Variants in FBXL7 observed in about 807,000 individuals in gnomAD.
FBXL7 encodes F-box and leucine rich repeat protein 7, also known as F-box/LRR-repeat protein 7.
Under a neutral mutation model 38.3 loss-of-function variants are expected in FBXL7, and 12 were observed. That is an observed-to-expected ratio of 0.31 (90% CI 0.20 to 0.51). The LOEUF (loss-of-function observed/expected upper bound fraction) is 0.51, where lower values mean the gene tolerates loss of function less well. Among genes scored for constraint, FBXL7 ranks in the 20% least tolerant of loss-of-function variants. FBXL7 has a pLI of 0.98. For synonymous variants in FBXL7, 297 were observed against 300.9 expected, an observed-to-expected ratio of 0.99 and a Z score of 0.13; for missense variants, 567 against 676.4, an observed-to-expected ratio of 0.84 and a Z score of 1.79.
rs1259725919 is a variant in FBXL7 at position 15,937,081 on chromosome 5, G to A, written c.1371G>A (p.Gln457=). 6.2e-7 allele frequency: 1 copy of A among 1,613,878 alleles called. No individual in the cohort carries two copies. Among genetic ancestry groups the A allele is most frequent in the Non-Finnish European group, 8.5e-7 (1 of 1,179,906 alleles). ...QIVAANCFDL[Q]TLNVQDCEVS... ...TGGCCGCCAACTGCTTTGACCTCCA[G>A]ACGCTGAATGTCCAGGACTGCGAGG... Residue 457 remains glutamine (Q), a synonymous_variant, in exon 4 of 4, where the codon CAG becomes CAA. Transcript: ENST00000504595.
chr5:15,555,195 C>T (rs766461255), intron 1 of FBXL7, among the ~76,000 whole-genome samples: 2 of 152,164 alleles, frequency 1.3e-5, no homozygotes, highest in Non-Finnish European at 2.9e-5. Context: ...CACGCACAGA[C>T]ACACAGACAG....
chr5:15,928,041 G>GCCCCCCCCCCCCCCCCCC lies in FBXL7; in HGVS notation c.279_280insCCCCCCCCCCCCCCCCCC (p.Pro93_Thr94insProProProProProPro). On this transcript the variant is annotated inframe_insertion, in exon 3 of 4. Transcript: ENST00000504595. The surrounding 1 kb of genome is among the most constrained non-coding windows in gnomAD (Gnocchi z 4.0). ...TGGCCATGGTGCACTCCCCGCCCCC[G>GCCCCCCCCCCCCCCCCCC]ACCCGCCTCACACACCCGCTCATCC... The GCCCCCCCCCCCCCCCCCC allele has an allele frequency of 7.0e-7, 1 of 1,436,850 alleles. No individual in the cohort carries two copies. 89.0% of individuals were successfully genotyped at this position (1,436,850 alleles called of 1,614,324 possible).
At chr5:15,591,318 A>C (rs896458844) in intron 1 of FBXL7, among the ~76,000 whole-genome samples, 4 of 151,596 alleles carry the variant, frequency 2.6e-5, no homozygotes, top group African/African-American at 9.7e-5. Context: ...AGTCCCAGCT[A>C]CTCGGGAGGC....
At chr5:15,792,480 T>G (rs1330859219) in intron 2 of FBXL7, among the ~76,000 whole-genome samples, 2 of 152,180 alleles carry the variant, frequency 1.3e-5, no homozygotes, top group Non-Finnish European at 2.9e-5. Context: ...GTCAAGCAGT[T>G]GATTTTGTAT....
At chr5:15,917,896 C>G (rs1321915757) in intron 2 of FBXL7, among the ~76,000 whole-genome samples, 1 of 151,766 alleles carries the variant, frequency 6.6e-6, no homozygotes, top group Non-Finnish European at 1.5e-5. Context: ...AATAGCAATG[C>G]TACTCTAGCT....
At chr5:15,896,931 C>T (rs764679999) in intron 2 of FBXL7, among the ~76,000 whole-genome samples, 3 of 152,174 alleles carry the variant, frequency 2.0e-5, no homozygotes, top group African/African-American at 4.8e-5. Flanking sequence ...GCCAGGAGTT[C>T]GAGATCAGTT....
intron 1 of FBXL7, among the ~76,000 whole-genome samples, chr5:15,610,255 C>T (rs967063804): frequency 6.6e-6 from 1 of 152,134 alleles, no homozygotes; most frequent in African/African-American, 2.4e-5. Context: ...TCTTTTTTCT[C>T]AGAAGAATCC....
intron 2 of FBXL7, among the ~76,000 whole-genome samples, chr5:15,681,887 G>A (rs1410562705): frequency 2.0e-5 from 3 of 152,118 alleles, no homozygotes; most frequent in African/African-American, 7.2e-5. Context: ...AACATAATTG[G>A]TGTTACCTAG....
intron 2 of FBXL7, among the ~76,000 whole-genome samples, chr5:15,685,734 G>T (rs1370125871): frequency 1.3e-5 from 2 of 152,170 alleles, no homozygotes; most frequent in African/African-American, 4.8e-5. Flanking sequence ...GTAAAATGGG[G>T]TAGCAATGCC....
intron 2 of FBXL7, among the ~76,000 whole-genome samples, chr5:15,829,294 T>G (rs987848984): frequency 3.9e-5 from 6 of 152,208 alleles, no homozygotes; most frequent in African/African-American, 7.2e-5. Context: ...TGGTTACAGC[T>G]TCTTTTGTTT....
At chr5:15,812,719 G>A (rs1404630004) in intron 2 of FBXL7, among the ~76,000 whole-genome samples, 1 of 152,052 alleles carries the variant, frequency 6.6e-6, no homozygotes, top group Non-Finnish European at 1.5e-5. Context: ...AATTACTTTG[G>A]GCAGTATGGC....
At position 15,843,225 on chromosome 5, in the gene FBXL7, TCTC is replaced by T. The variant is rs1464285741; in HGVS notation, c.128-84664_128-84662del. Among the ~76,000 whole-genome samples the T allele has an allele frequency of 2.6e-5, 4 of 151,692 alleles. No homozygotes were observed. In the East Asian group the frequency reaches 7.7e-4, roughly 29 times the overall value. On this transcript the variant is annotated intron_variant, in intron 2 of 3. Coordinates refer to ENST00000504595, the MANE Select transcript of FBXL7 (RefSeq NM_012304.5). ...TTTTGCCTTTGTCAAAGTGTATTCT[TCTC>T]TTCTTCTAACATACACAGTATAAAA...
chr5:15,833,915 A>G (rs980233430), intron 2 of FBXL7, among the ~76,000 whole-genome samples: 1 of 152,204 alleles, frequency 6.6e-6, no homozygotes, highest in Non-Finnish European at 1.5e-5. Context: ...TATTTAAGTA[A>G]CAATTTTATA....
chr5:15,833,238 G>A (rs912927762), intron 2 of FBXL7, among the ~76,000 whole-genome samples: 4 of 152,076 alleles, frequency 2.6e-5, no homozygotes, highest in African/African-American at 9.7e-5. Context: ...CATGATCAAG[G>A]TCCCAGTAGG....
Position 15,529,236 on chromosome 5 carries a change from C to T in FBXL7, c.37+28523C>T, listed in dbSNP as rs558710312. 5.3e-5 allele frequency among the ~76,000 whole-genome samples: 8 copies of T among 152,258 alleles called. No individual in the cohort carries two copies. The East Asian group carries it at 7.7e-4, about 15-fold the overall frequency. The stretch of plus-strand genomic sequence containing the variant: ...TTCTCCAAGTTTATTCGTGTTGTCA[C>T]GAATGACAGGATTGCATTCTTTTGA... On this transcript the variant is annotated intron_variant, in intron 1 of 3. Transcript: ENST00000504595.
At position 15,515,848 on chromosome 5, in the gene FBXL7, T is replaced by G. The variant is rs1736920817; in HGVS notation, c.37+15135T>G. ...CATGATTATACTAGTTTATTAGTCA[T>G]TTTATTACACTCAAATAACATTCCA... On this transcript the variant is annotated intron_variant, in intron 1 of 3. Transcript: ENST00000504595. 2.0e-5 allele frequency among the ~76,000 whole-genome samples: 3 copies of G among 152,158 alleles called. No individual in the cohort carries two copies. In the South Asian group the frequency reaches 6.2e-4, roughly 32 times the overall value.
intron 2 of FBXL7, among the ~76,000 whole-genome samples, chr5:15,657,607 G>T (rs1272674206): frequency 6.6e-6 from 1 of 152,096 alleles, no homozygotes; most frequent in Non-Finnish European, 1.5e-5. Context: ...GCCAAGACAG[G>T]TGGATCACCT....
At chr5:15,678,035 A>G (rs945600206) in intron 2 of FBXL7, among the ~76,000 whole-genome samples, 7 of 152,120 alleles carry the variant, frequency 4.6e-5, no homozygotes, top group Admixed American at 6.5e-5. Flanking sequence ...TTTGTTTCCC[A>G]TATGTCCTTC....
chr5:15,883,209 G>T (rs1009508990), intron 2 of FBXL7, among the ~76,000 whole-genome samples: 2 of 152,178 alleles, frequency 1.3e-5, no homozygotes, highest in Non-Finnish European at 2.9e-5. Flanking sequence ...TGGCATAATT[G>T]CTATCTTGGT....
Sources: allele counts gnomAD v4.1 joint callset (sites outside exome capture counted in the v4.1 genomes callset), GRCh38; gene constraint gnomAD v4.1.1; non-coding constraint Gnocchi (gnomAD v3.1); transcripts MANE v1.5; gene names NCBI Gene and HGNC (gene_info 2026-07-23, HGNC 2026-07-21).